LINC01488: variants seen among roughly 807,000 people sequenced by gnomAD.
The protein encoded by LINC01488 is CCND1-upstream intergenic DNA repair 1.
intron 1 of LINC01488, among the ~76,000 whole-genome samples, chr11:69,485,015 C>T (rs567530922): frequency 6.6e-6 from 1 of 152,204 alleles, no homozygotes; most frequent in Non-Finnish European, 1.5e-5. Context: ...AATCTCTGAA[C>T]CACCCAACCC....
intron 1 of LINC01488, among the ~76,000 whole-genome samples, chr11:69,488,821 C>T (rs926542173): frequency 2.6e-5 from 4 of 152,144 alleles, no homozygotes; most frequent in African/African-American, 9.7e-5. Flanking sequence ...ATTTGAGTGC[C>T]GGGGGCACCA....
intron 1 of LINC01488, among the ~76,000 whole-genome samples, chr11:69,489,810 G>A (rs1216364311): frequency 6.6e-6 from 1 of 152,244 alleles, no homozygotes; most frequent in Non-Finnish European, 1.5e-5. Flanking sequence ...AGCCTCCCAG[G>A]GGCTGGCAGG....
At chr11:69,484,829 G>T (rs1857088509) in intron 1 of LINC01488, among the ~76,000 whole-genome samples, 1 of 152,246 alleles carries the variant, frequency 6.6e-6, no homozygotes, top group Admixed American at 6.5e-5. Flanking sequence ...CCTGGGCTCA[G>T]GACCGTCTGC....
rs187536342 is a variant in LINC01488 at position 69,489,137 on chromosome 11, G to T, written n.123-1358G>T. ...CCCCCAAACGCCCCTCGGATTGGGG[G>T]GAGCTGGACCAGGCATCACATGTCA... On this transcript the variant is annotated intron_variant and non_coding_transcript_variant, in intron 1 of 3. Transcript: ENST00000644563. 1.2e-3 allele frequency among the ~76,000 whole-genome samples: 177 copies of T among 152,264 alleles called. 1 individual carries two copies. Among genetic ancestry groups the T allele is most frequent in the Non-Finnish European group, 1.9e-3 (132 of 68,020 alleles).
At chr11:69,487,085 C>G (rs1416468631) in intron 1 of LINC01488, among the ~76,000 whole-genome samples, 2 of 152,244 alleles carry the variant, frequency 1.3e-5, no homozygotes, top group Non-Finnish European at 2.9e-5. Context: ...CCCAGGTGGC[C>G]TGGGGCGGCT....
At chr11:69,483,335 C>T (rs1477069675) in intron 1 of LINC01488, among the ~76,000 whole-genome samples, 1 of 152,198 alleles carries the variant, frequency 6.6e-6, no homozygotes, top group Non-Finnish European at 1.5e-5. Flanking sequence ...ATTCCACTTC[C>T]TCCACTTATC....
chr11:69,484,435 T>C (rs1258373612), intron 1 of LINC01488, among the ~76,000 whole-genome samples: 1 of 152,188 alleles, frequency 6.6e-6, no homozygotes, highest in African/African-American at 2.4e-5. Flanking sequence ...CAGAAGGGTG[T>C]TGCCTTCTGC....
chr11:69,486,993 G>A (rs999057990), intron 1 of LINC01488, among the ~76,000 whole-genome samples: 1 of 152,236 alleles, frequency 6.6e-6, no homozygotes, highest in South Asian at 2.1e-4. Context: ...GCCGTGCTGG[G>A]GGGTCCTGGC....
intron 1 of LINC01488, chr11:69,485,762 T>C (rs1245060683): frequency 7.9e-5 from 12 of 152,240 alleles, no homozygotes; most frequent in African/African-American, 2.9e-4. Context: ...ACAGGGCCAA[T>C]GGGGTTCTCC....
chr11:69,487,390 T>TCGA (rs2134970620), intron 1 of LINC01488, among the ~76,000 whole-genome samples: 1 of 152,306 alleles, frequency 6.6e-6, no homozygotes, highest in Non-Finnish European at 1.5e-5. Context: ...GGAAATCCTG[T>TCGA]CTGCCATGAC....
intron 1 of LINC01488, among the ~76,000 whole-genome samples, chr11:69,488,629 C>T (rs773503568): frequency 1.1e-4 from 17 of 152,256 alleles, no homozygotes; most frequent in Admixed American, 2.6e-4. Context: ...AACGTTGTGC[C>T]GCCTGTCGGG....
intron 1 of LINC01488, among the ~76,000 whole-genome samples, chr11:69,486,858 C>T (rs1376591754): frequency 6.6e-6 from 1 of 152,186 alleles, no homozygotes; most frequent in African/African-American, 2.4e-5. Flanking sequence ...TGGCCCTGCC[C>T]CACTGTCCCC....
At chr11:69,486,507 C>A (rs908872582) in intron 1 of LINC01488, among the ~76,000 whole-genome samples, 1 of 152,234 alleles carries the variant, frequency 6.6e-6, no homozygotes, top group Non-Finnish European at 1.5e-5. Context: ...CCGCAAGGGG[C>A]CCGTGGGCCC....
At chr11:69,488,519 A>G (rs962750234) in intron 1 of LINC01488, among the ~76,000 whole-genome samples, 1 of 152,216 alleles carries the variant, frequency 6.6e-6, no homozygotes, top group Non-Finnish European at 1.5e-5. Context: ...TCCCACGGCA[A>G]CAGGAGGGTA....
chr11:69,483,173 A>G (rs1359763294), intron 1 of LINC01488, among the ~76,000 whole-genome samples: 1 of 152,186 alleles, frequency 6.6e-6, no homozygotes, highest in Non-Finnish European at 1.5e-5. Context: ...AGGTCTGTGC[A>G]AGGGAGGGCA....
At chr11:69,491,741 C>G (rs916588223) in intron 3 of LINC01488, 2 of 152,462 alleles carry the variant, frequency 1.3e-5, no homozygotes, top group Non-Finnish European at 2.9e-5. Flanking sequence ...CCTGCTCTAT[C>G]AGCAAACTCA....
chr11:69,485,088 TG>T (rs1412148672), intron 1 of LINC01488, among the ~76,000 whole-genome samples: 3 of 152,026 alleles, frequency 2.0e-5, no homozygotes, highest in Admixed American at 1.3e-4. Flanking sequence ...GTATGGGAAG[TG>T]GGGGGCGGGG....
intron 1 of LINC01488, among the ~76,000 whole-genome samples, chr11:69,484,996 C>T (rs1857091132): frequency 6.6e-6 from 1 of 152,204 alleles, no homozygotes; most frequent in Non-Finnish European, 1.5e-5. Flanking sequence ...CACAAGTGGG[C>T]TGTGCTAAAA....
intron 1 of LINC01488, among the ~76,000 whole-genome samples, chr11:69,484,718 G>C (rs1212020188): frequency 1.3e-5 from 2 of 152,236 alleles, no homozygotes; most frequent in African/African-American, 4.8e-5. Flanking sequence ...CCTGCTGTTG[G>C]GCAGCAATCA....
Sources: allele counts gnomAD v4.1 joint callset (sites outside exome capture counted in the v4.1 genomes callset), GRCh38; gene constraint gnomAD v4.1.1; transcripts MANE v1.5; gene names NCBI Gene and HGNC (gene_info 2026-07-23, HGNC 2026-07-21).